FHOD3: variants seen among roughly 807,000 people sequenced by gnomAD.
The protein encoded by FHOD3 is formin homology 2 domain containing 3, also known as FH1/FH2 domain-containing protein 3.
Under a neutral mutation model 173.0 loss-of-function variants are expected in FHOD3, and 90 were observed. The ratio of observed to expected loss-of-function variants is 0.52; its 90% CI spans 0.44 to 0.62. The LOEUF (loss-of-function observed/expected upper bound fraction) is 0.62, where lower values mean the gene tolerates loss of function less well. Among genes scored for constraint, FHOD3 ranks in the 20% least tolerant of loss-of-function variants. The pLI is 0.00. For missense variants in FHOD3, 1,945 were observed against 2,034.7 expected, an observed-to-expected ratio of 0.96 and a Z score of 0.85; for synonymous variants, 828 against 823.0, an observed-to-expected ratio of 1.01 and a Z score of -0.10.
intron 10 of FHOD3, among the ~76,000 whole-genome samples, chr18:36,649,067 C>G (rs1330442327): frequency 6.6e-6 from 1 of 152,150 alleles, no homozygotes; most frequent in African/African-American, 2.4e-5. Context: ...AGAAATTTGG[C>G]CTTTTCTGCT....
chr18:36,761,551 C>T (rs779898829), intron 27 of FHOD3, among the ~76,000 whole-genome samples: 27 of 152,226 alleles, frequency 1.8e-4, no homozygotes, highest in African/African-American at 5.8e-4. Context: ...ATGGTCACCG[C>T]GGCGCTTCTC....
chr18:36,372,613 A>T (rs1390111296), intron 2 of FHOD3, 67 bp from the exon 3 acceptor site: 6 of 1,371,966 alleles, frequency 4.4e-6, no homozygotes, highest in Non-Finnish European at 6.2e-6. Context: ...CTTCACGTGG[A>T]TTGACAGCAT....
chr18:36,339,239 G>T (rs1032851783), intron 1 of FHOD3, among the ~76,000 whole-genome samples: 1 of 152,132 alleles, frequency 6.6e-6, no homozygotes, highest in Non-Finnish European at 1.5e-5. Context: ...GCACTGGGCA[G>T]TAGGGTCTTG....
At chr18:36,708,430 A>C (rs946558776) in intron 17 of FHOD3, among the ~76,000 whole-genome samples, 1 of 152,216 alleles carries the variant, frequency 6.6e-6, no homozygotes, top group East Asian at 1.9e-4. Context: ...TTAGTTTCGT[A>C]TTGCTGTGTA....
Position 36,779,520 on chromosome 18 carries a change from T to G in FHOD3, c.4859T>G (p.Leu1620Trp). Reference protein sequence around the residue: ...RALGLVGTSELQL With the variant: ...RALGLVGTSEWQL Reference sequence around the variant, plus strand: ...CTGGGCTTGGTTGGCACCTCGGAGTTGCAGCTGTGACACTCATAGGTTACT... The same window carrying G: ...CTGGGCTTGGTTGGCACCTCGGAGTGGCAGCTGTGACACTCATAGGTTACT... Residue 1620 changes from leucine to tryptophan, a missense_variant, in exon 29 of 29, where the codon TTG (leucine) becomes TGG (tryptophan). Around this residue, in one of 5 missense-constraint regions of FHOD3, gnomAD observed 354 missense variants for 359.9 expected, o/e 0.98. Coordinates refer to ENST00000590592, the MANE Select transcript of FHOD3 (RefSeq NM_001281740.3). 1 of 1,614,132 alleles carries G rather than the reference T, an allele frequency of 6.2e-7. No homozygotes were observed. The highest frequency in any genetic ancestry group is 8.5e-7 in the Non-Finnish European group (1 of 1,180,014).
intron 4 of FHOD3, among the ~76,000 whole-genome samples, chr18:36,507,525 A>G (rs546196994): frequency 1.4e-4 from 22 of 152,306 alleles, no homozygotes; most frequent in Non-Finnish European, 2.2e-4. Context: ...TGTCTTGAGT[A>G]CGGTAGTCTG....
intron 25 of FHOD3, among the ~76,000 whole-genome samples, chr18:36,755,696 T>C (rs1269542098): frequency 2.0e-5 from 3 of 152,210 alleles, no homozygotes; most frequent in Admixed American, 1.3e-4. Context: ...ACAAATGTAC[T>C]GATTGGGGCA....
chr18:36,593,467 G>A (rs903749074), intron 6 of FHOD3, among the ~76,000 whole-genome samples: 48 of 152,320 alleles, frequency 3.2e-4, no homozygotes, highest in South Asian at 1.0e-3. Flanking sequence ...GAATGTGGAT[G>A]AATGACTTGG....
intron 2 of FHOD3, among the ~76,000 whole-genome samples, chr18:36,359,428 A>G (rs2046505439): frequency 6.6e-6 from 1 of 152,210 alleles, no homozygotes; most frequent in Non-Finnish European, 1.5e-5. Context: ...TCTGTTCATC[A>G]CCTTCTGAGG....
At chr18:36,424,054 TACACAAAAC>T (rs1163740055) in intron 3 of FHOD3, among the ~76,000 whole-genome samples, 1 of 152,106 alleles carries the variant, frequency 6.6e-6, no homozygotes, top group African/African-American at 2.4e-5. Flanking sequence ...CACACAGCAA[TACACAAAAC>T]ACACACCTAC....
At chr18:36,347,106 G>A (rs1402314301) in intron 1 of FHOD3, among the ~76,000 whole-genome samples, 1 of 152,140 alleles carries the variant, frequency 6.6e-6, no homozygotes, top group Non-Finnish European at 1.5e-5. Flanking sequence ...GAACAGGAAA[G>A]GACTATCAAT....
At chr18:36,358,716 C>T (rs962337919) in intron 2 of FHOD3, among the ~76,000 whole-genome samples, 3 of 152,086 alleles carry the variant, frequency 2.0e-5, no homozygotes, top group Admixed American at 6.6e-5. Context: ...TTCTTTGTCA[C>T]CCAGGCTGGA....
chr18:36,539,863 G>A (rs897629951), intron 5 of FHOD3, among the ~76,000 whole-genome samples: 2 of 152,208 alleles, frequency 1.3e-5, no homozygotes, highest in African/African-American at 4.8e-5. Context: ...AGTCCTGGAA[G>A]AGGCCTGGTT....
chr18:36,625,665 A>G lies in FHOD3; in HGVS notation c.1112A>G (p.Lys371Arg), dbSNP rs770668539. The change falls in exon 10 of 29, where the codon AAG becomes AGG. Residue 371 changes from lysine to arginine, a missense_variant. This residue lies in a region of FHOD3 where 1,099 missense variants were observed against 1,051.2 expected (regional missense o/e 1.05). Transcript: ENST00000590592. ...RSRRHSVQSI[K>R]STLSAPTSPC... Reference sequence around the variant, plus strand: ...CGCAGGCACTCGGTGCAGAGCATCAAGAGCACCCTGTCGGCCCCCACCAGT... The same window carrying G: ...CGCAGGCACTCGGTGCAGAGCATCAGGAGCACCCTGTCGGCCCCCACCAGT... 7 of 1,612,524 alleles carry G rather than the reference A, an allele frequency of 4.3e-6. No individual in the cohort carries two copies. Among genetic ancestry groups the G allele is most frequent in the Middle Eastern group, 1.6e-4 (1 of 6,078 alleles).
intron 10 of FHOD3, among the ~76,000 whole-genome samples, chr18:36,646,304 T>G (rs1469114882): frequency 1.3e-5 from 2 of 152,176 alleles, no homozygotes; most frequent in Admixed American, 1.3e-4. Context: ...CATCCAAATT[T>G]ATACCTAAAA....
chr18:36,482,858 CAGAGAGAG>C (rs138052316), intron 3 of FHOD3, among the ~76,000 whole-genome samples: 2,903 of 130,278 alleles, frequency 0.022, 37 homozygotes, highest in South Asian at 0.048. Context: ...CACACACACA[CAGAGAGAG>C]AGAGAGAGAG....
intron 3 of FHOD3, among the ~76,000 whole-genome samples, chr18:36,396,136 G>A (rs2048545279): frequency 6.6e-6 from 1 of 152,020 alleles, no homozygotes; most frequent in Non-Finnish European, 1.5e-5. Context: ...ATGATAATAA[G>A]CTTTTATGTC....
chr18:36,606,804 C>T (rs775585768), intron 8 of FHOD3, among the ~76,000 whole-genome samples: 1 of 152,288 alleles, frequency 6.6e-6, no homozygotes, highest in South Asian at 2.1e-4. Flanking sequence ...TTCCAAAAGG[C>T]AGAAATAGGC....
chr18:36,401,606 T>C (rs536077932), intron 3 of FHOD3, among the ~76,000 whole-genome samples: 81 of 152,284 alleles, frequency 5.3e-4, no homozygotes, highest in African/African-American at 1.8e-3. Flanking sequence ...GTGGCTTTGG[T>C]TGGGTTACTG....
Sources: gnomAD v4.1 joint callset for allele counts (sites outside exome capture counted in the v4.1 genomes callset) on GRCh38, gnomAD v4.1.1 for gene constraint, gnomAD v4.1.1 regional missense constraint, MANE v1.5 for transcripts, NCBI Gene and HGNC (gene_info 2026-07-23, HGNC 2026-07-21) for gene names.